GALNT13: variants seen among roughly 807,000 people sequenced by gnomAD.
GALNT13 encodes the protein UDP-GalNAc:polypeptide N-acetylgalactosaminyltransferase 13.
In GALNT13, 28 loss-of-function variants were observed where a neutral mutation model predicts 64.2. That is an observed-to-expected ratio of 0.44 (90% confidence interval 0.32 to 0.60). GALNT13 has a LOEUF of 0.60. Ranked by LOEUF, GALNT13 falls within the 20% of genes least tolerant of loss-of-function variation. GALNT13 has a pLI of 0.05. For synonymous variants in GALNT13, 214 were observed against 224.6 expected (o/e 0.95, Z 0.42); for missense variants, 577 against 669.8 (o/e 0.86, Z 1.53).
chr2:154,096,309 C>A (rs1036836904), intron 3 of GALNT13, among the ~76,000 whole-genome samples: 4 of 151,974 alleles, frequency 2.6e-5, no homozygotes, highest in African/African-American at 4.8e-5. Flanking sequence ...ACATACCCAG[C>A]TGGCATAATT....
the GALNT13 span, among the ~76,000 whole-genome samples, chr2:153,764,584 C>CT: frequency 1.3e-5 from 2 of 152,046 alleles, no homozygotes; most frequent in East Asian, 3.9e-4. Context: ...AATTTGCAGC[C>CT]TGATGATGTG....
At chr2:153,803,210 T>A in the GALNT13 span, among the ~76,000 whole-genome samples, 1 of 152,142 alleles carries the variant, frequency 6.6e-6, no homozygotes, top group Non-Finnish European at 1.5e-5. Flanking sequence ...ATATTTTCAT[T>A]GTTTTATTTC....
the GALNT13 span, among the ~76,000 whole-genome samples, chr2:153,330,328 T>G: frequency 2.6e-5 from 4 of 152,184 alleles, no homozygotes; most frequent in African/African-American, 7.2e-5. Context: ...ATGTTGGTAG[T>G]TTGATAGGAA....
chr2:153,966,078 T>C (rs1693313475), intron 3 of GALNT13, among the ~76,000 whole-genome samples: 1 of 152,098 alleles, frequency 6.6e-6, no homozygotes, highest in Non-Finnish European at 1.5e-5. Context: ...TAGTATTCTT[T>C]TGTTTCAGAT....
intron 12 of GALNT13, among the ~76,000 whole-genome samples, chr2:154,441,346 T>C (rs1009678055): frequency 1.9e-4 from 29 of 152,182 alleles, no homozygotes; most frequent in Non-Finnish European, 1.0e-4. Flanking sequence ...TTCCAACCTG[T>C]GGAAAGTAAA....
chr2:153,676,335 A>G, the GALNT13 span, among the ~76,000 whole-genome samples: 4 of 152,164 alleles, frequency 2.6e-5, no homozygotes, highest in Non-Finnish European at 4.4e-5. Context: ...AACCCTGAGC[A>G]GACCAATAAT....
chr2:153,178,597 T>G, the GALNT13 span, among the ~76,000 whole-genome samples: 1 of 152,162 alleles, frequency 6.6e-6, no homozygotes, highest in Non-Finnish European at 1.5e-5. Flanking sequence ...TAATATATAT[T>G]GTGGATATTA....
chr2:153,281,438 G>T, the GALNT13 span, among the ~76,000 whole-genome samples: 1 of 152,030 alleles, frequency 6.6e-6, no homozygotes, highest in Non-Finnish European at 1.5e-5. Flanking sequence ...CTGTTAGCTG[G>T]TTGCTTTGTA....
At chr2:153,796,533 T>C in the GALNT13 span, among the ~76,000 whole-genome samples, 1 of 152,192 alleles carries the variant, frequency 6.6e-6, no homozygotes, top group East Asian at 1.9e-4. Flanking sequence ...TTTATAAAAA[T>C]AAATATTACA....
At chr2:154,175,534 A>G (rs148121224) in intron 4 of GALNT13, among the ~76,000 whole-genome samples, 6 of 152,240 alleles carry the variant, frequency 3.9e-5, no homozygotes, top group Non-Finnish European at 8.8e-5. Flanking sequence ...CTTAGTGCTA[A>G]TTTGGAACAA....
intron 3 of GALNT13, among the ~76,000 whole-genome samples, chr2:153,987,002 G>A (rs112286803): frequency 4.4e-4 from 67 of 151,978 alleles, no homozygotes; most frequent in Non-Finnish European, 7.1e-4. Flanking sequence ...TAAGAGAAGC[G>A]TAAGAGCCAG....
chr2:153,167,895 G>A, the GALNT13 span, among the ~76,000 whole-genome samples: 2 of 152,178 alleles, frequency 1.3e-5, no homozygotes, highest in African/African-American at 4.8e-5. Context: ...TTCTTGTTGG[G>A]AGAAAGGATT....
the GALNT13 span, among the ~76,000 whole-genome samples, chr2:153,392,029 A>T: frequency 1.3e-5 from 2 of 148,512 alleles, no homozygotes; most frequent in Admixed American, 6.8e-5. Flanking sequence ...TGTTTATATA[A>T]TATATGTGAT....
chr2:153,988,253 A>G (rs1384645144), intron 3 of GALNT13, among the ~76,000 whole-genome samples: 2 of 151,852 alleles, frequency 1.3e-5, no homozygotes, highest in Non-Finnish European at 2.9e-5. Flanking sequence ...CTGCTGTACA[A>G]TAGATCTAAA....
At chr2:153,419,289 GAA>G in the GALNT13 span, among the ~76,000 whole-genome samples, 1 of 152,128 alleles carries the variant, frequency 6.6e-6, no homozygotes, top group Non-Finnish European at 1.5e-5. Context: ...ACAGATGAGG[GAA>G]ACTGTCCATG....
the GALNT13 span, among the ~76,000 whole-genome samples, chr2:153,597,924 G>A: frequency 3.0e-3 from 462 of 152,172 alleles, 2 homozygotes; most frequent in Non-Finnish European, 4.9e-3. Context: ...AATAAAAAAA[G>A]ATGATAGCAA....
chr2:153,731,367 A>C, the GALNT13 span, among the ~76,000 whole-genome samples: 2 of 151,890 alleles, frequency 1.3e-5, no homozygotes, highest in Non-Finnish European at 2.9e-5. Context: ...GACGTGGGTG[A>C]GGGATGAGAA....
Position 154,178,621 on chromosome 2 carries a change from C to T in GALNT13, c.311+38116C>T, listed in dbSNP as rs576585097. On this transcript the variant is annotated intron_variant, in intron 4 of 12. Coordinates refer to ENST00000392825, the MANE Select transcript of GALNT13 (RefSeq NM_052917.4). ...CGCTCAATCTGCACACGGAGTTGGTCACAAAGTCCTTAATTGTATCAATTA... is the reference window on the plus strand; with the variant it reads ...CGCTCAATCTGCACACGGAGTTGGTTACAAAGTCCTTAATTGTATCAATTA... 3.9e-5 allele frequency among the ~76,000 whole-genome samples: 6 copies of T among 152,252 alleles called. No individual in the cohort carries two copies. In the East Asian group the frequency reaches 1.2e-3, roughly 29 times the overall value.
At chr2:153,099,848 G>A in the GALNT13 span, among the ~76,000 whole-genome samples, 3 of 152,160 alleles carry the variant, frequency 2.0e-5, no homozygotes, top group African/African-American at 7.2e-5. Context: ...CAAGTCCAGA[G>A]TCAAAACTGT....
Sources: allele counts gnomAD v4.1 joint callset (sites outside exome capture counted in the v4.1 genomes callset), GRCh38; gene constraint gnomAD v4.1.1; transcripts MANE v1.5; gene names NCBI Gene and HGNC (gene_info 2026-07-23, HGNC 2026-07-21).